Variants in MCC observed in about 807,000 individuals in gnomAD.
The protein encoded by MCC is MCC regulator of Wnt signaling pathway.
Under a neutral mutation model 116.2 loss-of-function variants are expected in MCC, and 90 were observed. The ratio of observed to expected loss-of-function variants is 0.77; its 90% confidence interval spans 0.65 to 0.92. MCC has a LOEUF of 0.92. Ranked by LOEUF, MCC falls within the 40% of genes least tolerant of loss-of-function variation. The probability of loss-of-function intolerance (pLI) is 0.00; values close to 1 mark genes in which losing one functional copy is unlikely to be tolerated. For missense variants in MCC, 1,516 were observed against 1,312.2 expected (o/e 1.16, Z -2.40); for synonymous variants, 578 against 510.5 (o/e 1.13, Z -1.78).
intron 3 of MCC, among the ~76,000 whole-genome samples, chr5:113,239,031 T>A (rs1764260481): frequency 6.6e-6 from 1 of 152,206 alleles, no homozygotes. Context: ...TTTTTTTCAA[T>A]CTTATCCTTT....
rs760865306 is a variant in MCC, at chr5:113,384,969, C to G, written c.414G>C (p.Leu138Phe). ...AAACTGCCACCTGGTTATACCTACC[C>G]AAACTGTTGTCACTGCTCGTGGGCC... ...ASWPTSSDNS[L>F]GALSAARESW... Residue 138 changes from leucine to phenylalanine, a missense_variant and splice_region_variant, in exon 2 of 19, where the codon TTG (leucine) becomes TTC (phenylalanine). Coordinates refer to ENST00000408903, the MANE Select transcript of MCC (RefSeq NM_001085377.2). 8 of 1,614,172 alleles carry G rather than the reference C, an allele frequency of 5.0e-6. No individual in the cohort carries two copies. In the Middle Eastern group the frequency reaches 1.3e-3, roughly 266 times the overall value.
At chr5:113,148,434 C>T (rs1176527371) in intron 4 of MCC, among the ~76,000 whole-genome samples, 1 of 152,186 alleles carries the variant, frequency 6.6e-6, no homozygotes, top group East Asian at 1.9e-4. Context: ...CCAGTGTCAC[C>T]ATTAATAATT....
At chr5:113,143,184 A>C in intron 5 of MCC, 34 bp downstream of exon 5, 1 of 1,556,076 alleles carries the variant, frequency 6.4e-7, no homozygotes, top group Non-Finnish European at 8.7e-7. Context: ...GTTTAGCAGA[A>C]GGGGCAGAGT....
intron 2 of MCC, among the ~76,000 whole-genome samples, chr5:113,345,473 A>T (rs6875238): frequency 0.62 from 94,681 of 152,122 alleles, 32,141 homozygotes; most frequent in African/African-American, 0.9. Context: ...AGTGCTGTGC[A>T]GACTTCAGGT....
chr5:113,199,993 C>T (rs1481280454), intron 3 of MCC, among the ~76,000 whole-genome samples: 2 of 151,934 alleles, frequency 1.3e-5, no homozygotes, highest in Non-Finnish European at 2.9e-5. Flanking sequence ...TTTTAGGAAC[C>T]GTGTGTGAGA....
rs116448813 is a variant in MCC at position 113,083,973 on chromosome 5, G to T, written c.1635+128C>A. ...ATTTAATCCTTTGGAAGGAAATCAG[G>T]TATGATTTACTATTATAACTAACTG... On this transcript the variant is annotated intron_variant, in intron 10 of 18. Coordinates refer to ENST00000408903, the MANE Select transcript of MCC (RefSeq NM_001085377.2). 62 of 683,532 alleles carry T rather than the reference G, an allele frequency of 9.1e-5. No homozygotes were observed. In the African/African-American group the frequency reaches 1.0e-3, roughly 11 times the overall value. The allele number at this position is 683,532 out of a possible 1,614,324, so 42.3% of individuals were successfully genotyped here. A position where few individuals can be genotyped will look rare whatever the true frequency, so the allele number is the denominator to read the frequency against.
At chr5:113,082,747 G>C (rs1754944315) in intron 11 of MCC, 113 bp downstream of exon 11, 1 of 1,310,168 alleles carries the variant, frequency 7.6e-7, no homozygotes, top group South Asian at 1.4e-5. Flanking sequence ...CAGCCTGACG[G>C]TACTGCTCTA....
intron 1 of MCC, among the ~76,000 whole-genome samples, chr5:113,425,925 CTCT>C (rs755615195): frequency 6.6e-6 from 1 of 151,988 alleles, no homozygotes; most frequent in Non-Finnish European, 1.5e-5. Context: ...GTTGGCAATA[CTCT>C]GAAGCCATGG....
intron 3 of MCC, among the ~76,000 whole-genome samples, chr5:113,265,160 A>C: frequency 6.6e-6 from 1 of 152,170 alleles, no homozygotes; most frequent in South Asian, 2.1e-4. Context: ...GCAAAGCTTA[A>C]AATATTTACT....
chr5:113,382,209 G>GTTAA (rs925537106), intron 2 of MCC, among the ~76,000 whole-genome samples: 47 of 151,518 alleles, frequency 3.1e-4, no homozygotes, highest in African/African-American at 1.1e-3. Flanking sequence ...AGAAGGAGAG[G>GTTAA]TTAATAGTAT....
At chr5:113,049,338 T>G (rs7708603) in intron 15 of MCC, 39 bp from the exon 16 acceptor site, 775,092 of 1,492,952 alleles carry the variant, frequency 0.52, 202,742 homozygotes, top group East Asian at 0.66. Context: ...AGGCATGCCC[T>G]ATCTGAGAGC....
chr5:113,230,350 G>C (rs779737687), intron 3 of MCC, among the ~76,000 whole-genome samples: 1 of 152,150 alleles, frequency 6.6e-6, no homozygotes, highest in African/African-American at 2.4e-5. Context: ...GAGGGAGAGG[G>C]AGAACTTATA....
intron 3 of MCC, chr5:113,294,837 A>T: frequency 1.0e-6 from 1 of 986,090 alleles, no homozygotes; most frequent in Middle Eastern, 5.2e-4. Context: ...GGGGCGAGGA[A>T]GATCCGCGCC....
intron 1 of MCC, among the ~76,000 whole-genome samples, chr5:113,405,433 G>T (rs1014313917): frequency 2.6e-5 from 4 of 152,154 alleles, no homozygotes; most frequent in Non-Finnish European, 5.9e-5. Context: ...TCCAAATTTT[G>T]TAAAGATAAA....
intron 3 of MCC, among the ~76,000 whole-genome samples, chr5:113,158,902 G>C (rs1760324802): frequency 6.6e-6 from 1 of 152,154 alleles, no homozygotes; most frequent in African/African-American, 2.4e-5. Context: ...CCTTGCCCGA[G>C]GGATGCGTAA....
chr5:113,133,112 T>C (rs1758566353), intron 5 of MCC, among the ~76,000 whole-genome samples: 1 of 152,186 alleles, frequency 6.6e-6, no homozygotes, highest in African/African-American at 2.4e-5. Context: ...AACTGGGATA[T>C]CCATCACCTT....
At chr5:113,146,232 T>A (rs1227285356) in intron 4 of MCC, among the ~76,000 whole-genome samples, 1 of 152,232 alleles carries the variant, frequency 6.6e-6, no homozygotes, top group African/African-American at 2.4e-5. Flanking sequence ...TACAACACAT[T>A]TTGAAGGTAA....
chr5:113,270,099 A>G (rs374062341), intron 3 of MCC, among the ~76,000 whole-genome samples: 7 of 152,316 alleles, frequency 4.6e-5, no homozygotes, highest in African/African-American at 1.7e-4. Flanking sequence ...GCTAAAGAAA[A>G]GGGTACCTAC....
Position 113,027,011 on chromosome 5 carries a change from G to GA in MCC, c.*290dup, listed in dbSNP as rs932113454. On this transcript the variant is annotated 3_prime_UTR_variant, in exon 19 of 19. Coordinates refer to ENST00000408903, the MANE Select transcript of MCC (RefSeq NM_001085377.2). ...AGCCGCCAGACCAGAAGAGGAGGGG[G>GA]AGAGTGAGTGCTGAAAGCAGAAACG... 1.4e-5 allele frequency: 5 copies of GA among 359,474 alleles called. No individual in the cohort carries two copies. The highest frequency in any genetic ancestry group is 1.0e-4 in the African/African-American group (5 of 47,816). 22.3% of individuals were successfully genotyped at this position (359,474 alleles called of 1,614,324 possible).
Sources: allele counts gnomAD v4.1 joint callset (sites outside exome capture counted in the v4.1 genomes callset), GRCh38; gene constraint gnomAD v4.1.1; transcripts MANE v1.5; gene names NCBI Gene and HGNC (gene_info 2026-07-23, HGNC 2026-07-21).